The following NMT2 variants were observed in gnomAD, a reference collection of about 807,000 sequenced individuals.
NMT2 encodes the protein N-myristoyltransferase 2, also known as glycylpeptide N-tetradecanoyltransferase 2.
Under a neutral mutation model 65.4 loss-of-function variants are expected in NMT2, and 35 were observed. That is an observed-to-expected ratio of 0.54 (90% CI 0.41 to 0.71). The LOEUF (loss-of-function observed/expected upper bound fraction) is 0.71, where lower values mean the gene tolerates loss of function less well. Among genes scored for constraint, NMT2 ranks in the 30% least tolerant of loss-of-function variants. The pLI is 0.00. For synonymous variants in NMT2, 226 were observed against 231.8 expected, an observed-to-expected ratio of 0.98 and a Z score of 0.23; for missense variants, 489 against 611.3, an observed-to-expected ratio of 0.80 and a Z score of 2.11.
intron 1 of NMT2, among the ~76,000 whole-genome samples, chr10:15,164,957 A>C (rs1023883000): frequency 3.7e-4 from 56 of 152,274 alleles, no homozygotes; most frequent in Admixed American, 3.5e-3. Context: ...TCAGGTCAGG[A>C]GTTTGAGACC....
intron 1 of NMT2, among the ~76,000 whole-genome samples, chr10:15,141,935 G>A (rs989954351): frequency 6.6e-6 from 1 of 152,172 alleles, no homozygotes; most frequent in African/African-American, 2.4e-5. Flanking sequence ...GATCTCTTGG[G>A]TACGACAGAA....
intron 1 of NMT2, chr10:15,154,780 A>G (rs749532412): frequency 1.4e-5 from 10 of 707,596 alleles, no homozygotes; most frequent in South Asian, 1.4e-4. Flanking sequence ...TGGTTAAGAT[A>G]AAACACAAGT....
At position 15,109,748 on chromosome 10, in the gene NMT2, T is replaced by G; in HGVS notation, c.1430A>C (p.Gln477Pro). The G allele has an allele frequency of 6.2e-7, 1 of 1,613,834 alleles. No homozygotes were observed. Among genetic ancestry groups the G allele is most frequent in the Non-Finnish European group, 8.5e-7 (1 of 1,179,874 alleles). Residue 477 changes from glutamine (Q) to proline (P), a missense_variant, in exon 11 of 12, where the codon CAG becomes CCG. Coordinates refer to ENST00000378165, the MANE Select transcript of NMT2 (RefSeq NM_004808.3). ...ACACCTCCAATTGTACAGGTAATAC[T>G]GCAAATTGCCATCTCCTATACCAAA... ...LKFGIGDGNLQYYLYNWRCPG... is the reference protein window; with the variant it reads ...LKFGIGDGNLPYYLYNWRCPG...
At chr10:15,161,100 A>C (rs1334323935) in intron 1 of NMT2, among the ~76,000 whole-genome samples, 2 of 149,238 alleles carry the variant, frequency 1.3e-5, no homozygotes, top group African/African-American at 4.9e-5. Context: ...AAAAAAAAAA[A>C]AAAAAAAAAA....
At chr10:15,149,862 C>T (rs1157978127) in intron 1 of NMT2, among the ~76,000 whole-genome samples, 1 of 152,188 alleles carries the variant, frequency 6.6e-6, no homozygotes, top group Non-Finnish European at 1.5e-5. Flanking sequence ...CACATAATTA[C>T]TACCCTACGT....
chr10:15,131,668 T>G (rs1052353646), intron 6 of NMT2, among the ~76,000 whole-genome samples: 4 of 152,208 alleles, frequency 2.6e-5, no homozygotes, highest in Non-Finnish European at 4.4e-5. Flanking sequence ...ACACTTCATT[T>G]GGCACAAAAT....
At position 15,144,147 on chromosome 10, in the gene NMT2, G is replaced by A. The variant is rs752903673; in HGVS notation, c.111-2590C>T. On this transcript the variant is annotated intron_variant, in intron 1 of 11. Coordinates refer to ENST00000378165, the MANE Select transcript of NMT2 (RefSeq NM_004808.3). The stretch of plus-strand genomic sequence containing the variant: ...CTTATTTTGGCATAATGGAGAAAGC[G>A]TCACCATTTTTGTTTACTCTAGTTC... 5.6e-4 allele frequency among the ~76,000 whole-genome samples: 85 copies of A among 152,188 alleles called. 1 individual carries two copies. The highest frequency in any genetic ancestry group is 9.8e-4 in the Admixed American group (15 of 15,288).
At chr10:15,141,333 A>T in intron 2 of NMT2, 89 bp downstream of exon 2, 1 of 1,496,530 alleles carries the variant, frequency 6.7e-7, no homozygotes, top group Non-Finnish European at 9.2e-7. Flanking sequence ...CAAAGTCCCT[A>T]CACATCTGAT....
At chr10:15,109,444 G>A (rs1480380496) in intron 11 of NMT2, among the ~76,000 whole-genome samples, 2 of 152,112 alleles carry the variant, frequency 1.3e-5, no homozygotes, top group African/African-American at 2.4e-5. Flanking sequence ...GCATGGTGGT[G>A]GATGTAATCC....
chr10:15,165,105 G>T (rs1329545027), intron 1 of NMT2, among the ~76,000 whole-genome samples: 1 of 151,334 alleles, frequency 6.6e-6, no homozygotes, highest in Non-Finnish European at 1.5e-5. Context: ...GGAGGTTGCA[G>T]TGCGCCAAGA....
At chr10:15,164,340 G>A (rs1487362314) in intron 1 of NMT2, among the ~76,000 whole-genome samples, 1 of 152,018 alleles carries the variant, frequency 6.6e-6, no homozygotes, top group African/African-American at 2.4e-5. Context: ...AATATTGAGG[G>A]AAAAGCTCTC....
chr10:15,135,145 C>A, intron 3 of NMT2, 129 bp downstream of exon 3: 1 of 949,190 alleles, frequency 1.1e-6, no homozygotes, highest in Non-Finnish European at 1.6e-6. Context: ...GATTTCCAAT[C>A]TGTGGTATGA....
intron 2 of NMT2, 99 bp from the exon 3 acceptor site, chr10:15,135,517 A>C: frequency 8.3e-7 from 1 of 1,203,070 alleles, no homozygotes; most frequent in Non-Finnish European, 1.2e-6. Context: ...ACAATACCTA[A>C]ACACTAACAA....
At chr10:15,164,271 A>G (rs1037312311) in intron 1 of NMT2, among the ~76,000 whole-genome samples, 16 of 152,090 alleles carry the variant, frequency 1.1e-4, no homozygotes, top group African/African-American at 3.6e-4. Context: ...CAACAAAAAC[A>G]TACTCACCTA....
intron 2 of NMT2, among the ~76,000 whole-genome samples, chr10:15,139,360 T>C (rs1846646735): frequency 6.6e-6 from 1 of 152,024 alleles, no homozygotes; most frequent in African/African-American, 2.4e-5. Context: ...TACCATATAA[T>C]GCCAAGAGTT....
At chr10:15,112,588 A>G (rs1017871473) in intron 10 of NMT2, among the ~76,000 whole-genome samples, 1 of 152,150 alleles carries the variant, frequency 6.6e-6, no homozygotes, top group South Asian at 2.1e-4. Context: ...CTTTTTTGTT[A>G]AACTGCCATA....
At chr10:15,129,614 TC>T (rs546329113) in intron 7 of NMT2, among the ~76,000 whole-genome samples, 40 of 152,326 alleles carry the variant, frequency 2.6e-4, no homozygotes, top group African/African-American at 8.4e-4. Context: ...AATTTTAAGA[TC>T]ATCATGTCCT....
chr10:15,131,039 C>T (rs1447922482), intron 6 of NMT2, among the ~76,000 whole-genome samples: 2 of 151,992 alleles, frequency 1.3e-5, no homozygotes, highest in African/African-American at 2.4e-5. Context: ...CTACCTGCCT[C>T]GATCTCCCAA....
At chr10:15,141,606 TA>T in intron 1 of NMT2, 49 bp from the exon 2 acceptor site, 11 of 1,547,614 alleles carry the variant, frequency 7.1e-6, no homozygotes, top group Non-Finnish European at 9.6e-6. Context: ...CAAAAATCAT[TA>T]AATGAAATTG....
Sources: gnomAD v4.1 joint callset for allele counts (sites outside exome capture counted in the v4.1 genomes callset) on GRCh38, gnomAD v4.1.1 for gene constraint, MANE v1.5 for transcripts, NCBI Gene and HGNC (gene_info 2026-07-23, HGNC 2026-07-21) for gene names.